Variants in TUNAR observed in about 807,000 individuals in gnomAD.
TUNAR encodes the protein transmembrane neural differentiation associated intracellular calcium regulator.
At chr14:95,876,475 G>A (rs1432879488) in exon 1 of TUNAR, 2 of 152,338 alleles carry the variant, frequency 1.3e-5, no homozygotes, top group African/African-American at 2.4e-5. Flanking sequence ...GCCGATTGCT[G>A]CCGCCGAGGT....
intron 2 of TUNAR, among the ~76,000 whole-genome samples, chr14:95,890,992 C>G (rs1889170746): frequency 6.6e-6 from 1 of 152,112 alleles, no homozygotes; most frequent in African/African-American, 2.4e-5. Flanking sequence ...CAGACAGCAG[C>G]AGAAAGAATC....
intron 2 of TUNAR, among the ~76,000 whole-genome samples, chr14:95,886,384 T>TCTC (rs1889076403): frequency 6.6e-6 from 1 of 152,194 alleles, no homozygotes; most frequent in Admixed American, 6.5e-5. Context: ...GGGAAGAGTG[T>TCTC]CTCAGGGTCA....
intron 2 of TUNAR, among the ~76,000 whole-genome samples, chr14:95,919,118 C>A (rs186357936): frequency 6.5e-4 from 99 of 152,158 alleles, no homozygotes; most frequent in Non-Finnish European, 1.0e-3. Context: ...AAGATTCTTA[C>A]AACAGACTTC....
At chr14:95,908,432 CA>C (rs1889459527) in intron 2 of TUNAR, among the ~76,000 whole-genome samples, 1 of 152,208 alleles carries the variant, frequency 6.6e-6, no homozygotes, top group African/African-American at 2.4e-5. Flanking sequence ...ATCTGTCAGG[CA>C]AAGTGCGTCC....
At chr14:95,882,155 T>G (rs1888990186) in intron 2 of TUNAR, among the ~76,000 whole-genome samples, 1 of 152,254 alleles carries the variant, frequency 6.6e-6, no homozygotes, top group South Asian at 2.1e-4. Context: ...ATTTGGTAAA[T>G]GAGGAATAAC....
chr14:95,877,177 G>C (rs372408810), exon 2 of TUNAR: 1 of 152,272 alleles, frequency 6.6e-6, no homozygotes, highest in South Asian at 2.1e-4. Context: ...TGCGCTTCTC[G>C]GTAAGCCAGG....
At chr14:95,918,988 C>T (rs886915334) in intron 2 of TUNAR, among the ~76,000 whole-genome samples, 1 of 152,146 alleles carries the variant, frequency 6.6e-6, no homozygotes, top group Non-Finnish European at 1.5e-5. Context: ...ATTCAAAAGT[C>T]CTTCCTCCAA....
intron 2 of TUNAR, among the ~76,000 whole-genome samples, chr14:95,913,765 A>ACT (rs1175038501): frequency 2.0e-5 from 3 of 151,672 alleles, no homozygotes; most frequent in Non-Finnish European, 4.4e-5. Flanking sequence ...ACAGAGTCTC[A>ACT]CTCTGTCACT....
chr14:95,908,439 C>A (rs1005944786), intron 2 of TUNAR, among the ~76,000 whole-genome samples: 2 of 152,208 alleles, frequency 1.3e-5, no homozygotes, highest in African/African-American at 4.8e-5. Flanking sequence ...AGGCAAAGTG[C>A]GTCCTCCCAT....
chr14:95,886,183 A>G (rs1259280678), intron 2 of TUNAR, among the ~76,000 whole-genome samples: 1 of 152,194 alleles, frequency 6.6e-6, no homozygotes, highest in East Asian at 1.9e-4. Flanking sequence ...CACAGCTGAG[A>G]GAATCCAGGG....
At chr14:95,904,919 T>C (rs1889407024) in intron 2 of TUNAR, among the ~76,000 whole-genome samples, 1 of 152,144 alleles carries the variant, frequency 6.6e-6, no homozygotes. Context: ...AACCAAAGAC[T>C]GTCCCAGAGC....
intron 2 of TUNAR, among the ~76,000 whole-genome samples, chr14:95,922,124 A>C (rs1291307586): frequency 2.6e-5 from 4 of 152,168 alleles, no homozygotes; most frequent in African/African-American, 9.7e-5. Flanking sequence ...CCAGTGGTAG[A>C]ATATGTCTGT....
chr14:95,906,558 G>C (rs532672252), intron 2 of TUNAR, among the ~76,000 whole-genome samples: 44 of 152,358 alleles, frequency 2.9e-4, no homozygotes, highest in Non-Finnish European at 6.2e-4. Context: ...CTGAGTAGGT[G>C]ATAGCGTTTG....
At chr14:95,917,352 T>G (rs990727476) in intron 2 of TUNAR, among the ~76,000 whole-genome samples, 24 of 152,234 alleles carry the variant, frequency 1.6e-4, no homozygotes, top group African/African-American at 5.8e-4. Context: ...TAACTTTGTT[T>G]TTGTTTCTTT....
exon 3 of TUNAR, chr14:95,923,169 C>T (rs971297823): frequency 7.8e-6 from 3 of 383,878 alleles, no homozygotes; most frequent in Admixed American, 9.0e-5. Context: ...ACAATGATTC[C>T]AACAAAACTC....
intron 2 of TUNAR, among the ~76,000 whole-genome samples, chr14:95,912,749 G>A (rs1889535288): frequency 6.6e-6 from 1 of 152,136 alleles, no homozygotes; most frequent in South Asian, 2.1e-4. Flanking sequence ...TTAATATCCT[G>A]TGCTTTTCCC....
At chr14:95,877,935 C>T (rs763699301) in intron 2 of TUNAR, among the ~76,000 whole-genome samples, 4 of 152,234 alleles carry the variant, frequency 2.6e-5, no homozygotes, top group Admixed American at 6.5e-5. Context: ...TTTCCCAGTC[C>T]TCCTGAAGGA....
intron 2 of TUNAR, among the ~76,000 whole-genome samples, chr14:95,877,615 A>G (rs760505387): frequency 6.6e-6 from 1 of 152,202 alleles, no homozygotes; most frequent in Non-Finnish European, 1.5e-5. Context: ...AATCAAGGTC[A>G]CAAGGTTAGG....
intron 2 of TUNAR, 60 bp from the exon 2 acceptor site, chr14:95,922,721 T>C (rs896717418): frequency 1.3e-5 from 5 of 397,852 alleles, no homozygotes; most frequent in African/African-American, 1.0e-4. Flanking sequence ...CAGATCTGCC[T>C]GGCTATGGAG....
Sources: gnomAD v4.1 joint callset for allele counts (sites outside exome capture counted in the v4.1 genomes callset) on GRCh38, gnomAD v4.1.1 for gene constraint, MANE v1.5 for transcripts, NCBI Gene and HGNC (gene_info 2026-07-23, HGNC 2026-07-21) for gene names.